NRG3: variants seen among roughly 807,000 people sequenced by gnomAD.
NRG3 encodes pro-neuregulin-3, membrane-bound isoform.
Under a neutral mutation model 66.9 loss-of-function variants are expected in NRG3, and 31 were observed. The ratio of observed to expected loss-of-function variants is 0.46; its 90% CI spans 0.35 to 0.63. NRG3 has a LOEUF of 0.63. Ranked by LOEUF, NRG3 falls within the 20% of genes least tolerant of loss-of-function variation. The pLI is 0.00. For synonymous variants in NRG3, 393 were observed against 359.4 expected, an observed-to-expected ratio of 1.09 and a Z score of -1.06; for missense variants, 910 against 878.9, an observed-to-expected ratio of 1.04 and a Z score of -0.45.
intron 2 of NRG3, among the ~76,000 whole-genome samples, chr10:82,455,672 T>A (rs2091235319): frequency 1.3e-5 from 2 of 151,390 alleles, no homozygotes; most frequent in South Asian, 2.1e-4. Context: ...TGGAGTGCAG[T>A]GGCGCGATCT....
At chr10:82,747,015 C>T (rs1040536992) in intron 3 of NRG3, among the ~76,000 whole-genome samples, 2 of 151,930 alleles carry the variant, frequency 1.3e-5, no homozygotes, top group South Asian at 2.1e-4. Context: ...CTCAGGAGCT[C>T]GAGGCTGCTG....
chr10:82,921,104 G>C (rs1257767995), intron 4 of NRG3, among the ~76,000 whole-genome samples: 1 of 151,714 alleles, frequency 6.6e-6, no homozygotes, highest in Non-Finnish European at 1.5e-5. Context: ...ACAAGCACAT[G>C]TCAAGTAAGG....
At chr10:82,542,894 CT>C (rs35864856) in intron 2 of NRG3, among the ~76,000 whole-genome samples, 52,320 of 144,526 alleles carry the variant, frequency 0.36, 10,071 homozygotes, top group African/African-American at 0.55. Flanking sequence ...TCATTTAGAT[CT>C]TTTTTTTTTT....
chr10:82,072,831 A>C (rs143184955), intron 1 of NRG3, among the ~76,000 whole-genome samples: 4,147 of 152,194 alleles, frequency 0.027, 198 homozygotes, highest in African/African-American at 0.096. Context: ...CAGTGGCACA[A>C]TTATGGCTCA....
intron 2 of NRG3, among the ~76,000 whole-genome samples, chr10:82,402,396 A>C (rs1393400182): frequency 6.6e-6 from 1 of 152,140 alleles, no homozygotes; most frequent in Non-Finnish European, 1.5e-5. Context: ...AGTTTGGGGG[A>C]AAAAACAAGC....
intron 1 of NRG3, among the ~76,000 whole-genome samples, chr10:82,192,849 T>C (rs1336286): frequency 0.045 from 6,878 of 152,204 alleles, 241 homozygotes; most frequent in South Asian, 0.16. Flanking sequence ...CAAAAAGTTA[T>C]TATGACGTCA....
intron 2 of NRG3, among the ~76,000 whole-genome samples, chr10:82,418,874 A>G (rs1413020062): frequency 6.6e-6 from 1 of 152,040 alleles, no homozygotes; most frequent in Non-Finnish European, 1.5e-5. Flanking sequence ...GCACTGGATT[A>G]CAGAATACTT....
chr10:82,748,764 G>A (rs1755280512), intron 3 of NRG3, among the ~76,000 whole-genome samples: 1 of 150,704 alleles, frequency 6.6e-6, no homozygotes, highest in Admixed American at 6.6e-5. Context: ...CCACTTTAAT[G>A]TGTGGAAACT....
intron 4 of NRG3, among the ~76,000 whole-genome samples, chr10:82,947,347 C>G (rs1264291026): frequency 6.6e-6 from 1 of 151,998 alleles, no homozygotes; most frequent in East Asian, 1.9e-4. Flanking sequence ...ATTTGATTAT[C>G]CATTTACCTG....
chr10:82,932,956 C>T (rs1035634448), intron 4 of NRG3, among the ~76,000 whole-genome samples: 6 of 152,136 alleles, frequency 3.9e-5, no homozygotes, highest in African/African-American at 1.4e-4. Context: ...ATCTGTTCTT[C>T]ACTCGCCTTT....
chr10:82,190,951 T>C (rs1045028816), intron 1 of NRG3, among the ~76,000 whole-genome samples: 12 of 152,160 alleles, frequency 7.9e-5, no homozygotes, highest in African/African-American at 2.9e-4. Flanking sequence ...TTTTCTGTTG[T>C]ATGCTTCGTA....
intron 1 of NRG3, among the ~76,000 whole-genome samples, chr10:82,231,423 C>T (rs1028809355): frequency 6.6e-6 from 1 of 151,508 alleles, no homozygotes; most frequent in Non-Finnish European, 1.5e-5. Context: ...AAACATGAGA[C>T]CTTCAGATTA....
intron 3 of NRG3, among the ~76,000 whole-genome samples, chr10:82,841,494 G>A (rs973479287): frequency 6.6e-6 from 1 of 152,186 alleles, no homozygotes; most frequent in African/African-American, 2.4e-5. Flanking sequence ...ATTTTAGGGA[G>A]TTGGCTTACA....
chr10:82,525,259 A>T (rs1448329801), intron 2 of NRG3, among the ~76,000 whole-genome samples: 1 of 151,858 alleles, frequency 6.6e-6, no homozygotes, highest in Non-Finnish European at 1.5e-5. Flanking sequence ...TGGATAGAAG[A>T]TGCTTTTACT....
intron 4 of NRG3, among the ~76,000 whole-genome samples, chr10:82,932,170 CT>C (rs1847639632): frequency 6.6e-6 from 1 of 152,106 alleles, no homozygotes; most frequent in Non-Finnish European, 1.5e-5. Flanking sequence ...GTGGCCAGTA[CT>C]TTGTTTTCCT....
intron 3 of NRG3, among the ~76,000 whole-genome samples, chr10:82,766,080 G>A (rs2059501141): frequency 6.6e-6 from 1 of 152,112 alleles, no homozygotes. Flanking sequence ...GTGAGCTCAT[G>A]GTTGCTCTGA....
At chr10:82,638,193 A>T (rs1038053770) in intron 2 of NRG3, among the ~76,000 whole-genome samples, 19 of 152,184 alleles carry the variant, frequency 1.2e-4, no homozygotes, top group African/African-American at 4.3e-4. Flanking sequence ...TCTTGGATGA[A>T]ATGCTCTTGG....
chr10:82,492,244 A>G (rs886319524), intron 2 of NRG3, among the ~76,000 whole-genome samples: 1 of 152,212 alleles, frequency 6.6e-6, no homozygotes, highest in Admixed American at 6.5e-5. Context: ...GACAAATAGC[A>G]TTACATGGTG....
At chr10:82,239,908 A>C (rs73304649) in intron 1 of NRG3, among the ~76,000 whole-genome samples, 2,093 of 152,296 alleles carry the variant, frequency 0.014, 57 homozygotes, top group African/African-American at 0.048. Flanking sequence ...TCACAAAAAG[A>C]AACTTATTTT....
Sources: allele counts gnomAD v4.1 joint callset (sites outside exome capture counted in the v4.1 genomes callset), GRCh38; gene constraint gnomAD v4.1.1; transcripts MANE v1.5; gene names NCBI Gene and HGNC (gene_info 2026-07-23, HGNC 2026-07-21).